The following FOXO1 variants were observed in gnomAD, a reference collection of about 807,000 sequenced individuals.
The protein encoded by FOXO1 is forkhead box protein O1.
FOXO1 carries 6 observed loss-of-function variants against 44.1 expected under a neutral mutation model. The ratio of observed to expected loss-of-function variants is 0.14; its 90% confidence interval spans 0.07 to 0.27. The LOEUF is 0.27. Among genes scored for constraint, FOXO1 ranks in the 10% least tolerant of loss-of-function variants. The probability of loss-of-function intolerance (pLI) is 1.00; values close to 1 mark genes in which losing one functional copy is unlikely to be tolerated. For missense variants in FOXO1, 737 were observed against 888.8 expected (o/e 0.83, Z 2.17); for synonymous variants, 380 against 362.7 (o/e 1.05, Z -0.54).
At chr13:40,655,198 TGGTGGTCTCTACTATTACA>T (rs1338917582) in intron 1 of FOXO1, among the ~76,000 whole-genome samples, 1 of 151,864 alleles carries the variant, frequency 6.6e-6, no homozygotes, top group Non-Finnish European at 1.5e-5. Context: ...TAGCTAGGTG[TGGTGGTCTCTACTATTACA>T]GGTGTGCCTG....
intron 1 of FOXO1, among the ~76,000 whole-genome samples, chr13:40,609,416 T>A (rs1239490141): frequency 1.3e-5 from 2 of 152,176 alleles, no homozygotes; most frequent in Non-Finnish European, 2.9e-5. Flanking sequence ...ATGCCTAGAA[T>A]GTGTATAGAA....
intron 1 of FOXO1, among the ~76,000 whole-genome samples, chr13:40,641,208 G>A (rs990026147): frequency 6.6e-6 from 1 of 152,090 alleles, no homozygotes; most frequent in African/African-American, 2.4e-5. Context: ...AGAGCCAACA[G>A]TGAAGCCAAC....
Position 40,632,338 on chromosome 13 carries a change from G to T in FOXO1, c.630+33245C>A, listed in dbSNP as rs147246670. ...TGTAAATCATATATATAAGGGATTA[G>T]TACCTAGAATATATGAAGAATTCTT... On this transcript the variant is annotated intron_variant, in intron 1 of 2. Transcript: ENST00000379561. Among the ~76,000 whole-genome samples, 295 of 152,312 alleles carry T rather than the reference G, an allele frequency of 1.9e-3. 1 individual carries two copies. Among genetic ancestry groups the T allele is most frequent in the African/African-American group, 6.9e-3 (287 of 41,556 alleles).
chr13:40,573,216 G>A (rs1460659992), intron 1 of FOXO1, among the ~76,000 whole-genome samples: 1 of 152,228 alleles, frequency 6.6e-6, no homozygotes, highest in Non-Finnish European at 1.5e-5. Flanking sequence ...AAAGAAGCCT[G>A]CAGAGCAGCT....
intron 1 of FOXO1, among the ~76,000 whole-genome samples, chr13:40,660,625 C>T (rs1196203485): frequency 2.0e-5 from 3 of 152,142 alleles, no homozygotes; most frequent in African/African-American, 2.4e-5. Flanking sequence ...CGTATCGCCT[C>T]GGAGAAGATT....
chr13:40,622,155 T>C (rs946808340), intron 1 of FOXO1, among the ~76,000 whole-genome samples: 12 of 152,236 alleles, frequency 7.9e-5, no homozygotes, highest in Non-Finnish European at 1.5e-4. Flanking sequence ...GTAACTTTTT[T>C]GAAAGTGCAA....
chr13:40,588,078 AG>A (rs1405018696), intron 1 of FOXO1, among the ~76,000 whole-genome samples: 8 of 152,330 alleles, frequency 5.3e-5, no homozygotes, highest in African/African-American at 1.9e-4. Context: ...AGCCCAGGAT[AG>A]AAAGGATTCA....
chr13:40,607,627 T>C (rs544899681), intron 1 of FOXO1, among the ~76,000 whole-genome samples: 2 of 152,340 alleles, frequency 1.3e-5, no homozygotes, highest in Admixed American at 1.3e-4. Flanking sequence ...CTCCACACTA[T>C]TTAGTATTGT....
chr13:40,611,146 T>G, intron 1 of FOXO1: 1 of 427,456 alleles, frequency 2.3e-6, no homozygotes, highest in South Asian at 1.7e-5. Flanking sequence ...ATAAAATGAG[T>G]GAGCAATATA....
At chr13:40,582,297 G>A (rs549062793) in intron 1 of FOXO1, among the ~76,000 whole-genome samples, 11 of 152,288 alleles carry the variant, frequency 7.2e-5, no homozygotes, top group African/African-American at 1.9e-4. Context: ...AGCCTTCAAC[G>A]AGTTGTGATC....
chr13:40,589,190 C>T (rs1875281764), intron 1 of FOXO1, among the ~76,000 whole-genome samples: 1 of 152,192 alleles, frequency 6.6e-6, no homozygotes, highest in South Asian at 2.1e-4. Context: ...CAAGAAATGG[C>T]TGCAAGAATA....
chr13:40,663,368 C>A (rs1262977869), intron 1 of FOXO1, among the ~76,000 whole-genome samples: 1 of 152,212 alleles, frequency 6.6e-6, no homozygotes, highest in Non-Finnish European at 1.5e-5. Context: ...AACACTCTGA[C>A]AATGCCATTT....
intron 1 of FOXO1, among the ~76,000 whole-genome samples, chr13:40,573,138 A>G (rs561756040): frequency 5.9e-5 from 9 of 152,184 alleles, no homozygotes; most frequent in Admixed American, 2.0e-4. Flanking sequence ...TTTCCACCCC[A>G]GTGGAAGCAC....
intron 1 of FOXO1, among the ~76,000 whole-genome samples, chr13:40,634,348 T>A (rs1877071002): frequency 6.6e-6 from 1 of 152,190 alleles, no homozygotes; most frequent in African/African-American, 2.4e-5. Flanking sequence ...CACCTTGCTG[T>A]ATAGACAGTA....
intron 1 of FOXO1, among the ~76,000 whole-genome samples, chr13:40,627,167 C>T (rs759600440): frequency 6.6e-6 from 1 of 152,206 alleles, no homozygotes; most frequent in Non-Finnish European, 1.5e-5. Context: ...TTCCACCAAC[C>T]TAAGCCTGTG....
intron 1 of FOXO1, among the ~76,000 whole-genome samples, chr13:40,608,430 C>T (rs1170207577): frequency 6.6e-6 from 1 of 152,226 alleles, no homozygotes; most frequent in African/African-American, 2.4e-5. Context: ...ATGGAGTAGG[C>T]TGCTGCAGGG....
intron 1 of FOXO1, 85 bp downstream of exon 1, chr13:40,665,498 C>T (rs1159226558): frequency 1.4e-5 from 16 of 1,182,488 alleles, no homozygotes; most frequent in Non-Finnish European, 1.6e-5. Flanking sequence ...TGCTCCGCAC[C>T]TTCAGGCCGA....
intron 1 of FOXO1, among the ~76,000 whole-genome samples, chr13:40,564,558 C>A (rs925279231): frequency 2.0e-5 from 3 of 152,160 alleles, no homozygotes; most frequent in Non-Finnish European, 1.5e-5. Flanking sequence ...CTATTAACGA[C>A]GTTGTGTCTG....
chr13:40,614,324 T>C (rs1248359695), intron 1 of FOXO1, among the ~76,000 whole-genome samples: 3 of 152,168 alleles, frequency 2.0e-5, no homozygotes, highest in Non-Finnish European at 4.4e-5. Context: ...TCAGTCCTCT[T>C]CAGAAAGTCA....
Sources: gnomAD v4.1 joint callset for allele counts (sites outside exome capture counted in the v4.1 genomes callset) on GRCh38, gnomAD v4.1.1 for gene constraint, MANE v1.5 for transcripts, NCBI Gene and HGNC (gene_info 2026-07-23, HGNC 2026-07-21) for gene names.